POF1B: variants seen among roughly 807,000 people sequenced by gnomAD.
POF1B encodes POF1B actin binding protein.
A neutral mutation model predicts 55.3 loss-of-function variants in POF1B; 53 were observed. The observed-to-expected ratio is 0.96, with a 90% confidence interval of 0.77 to 1.20. The LOEUF (loss-of-function observed/expected upper bound fraction) is 1.20. POF1B is among the 50% of genes most tolerant of loss of function. The pLI is 0.00. For synonymous variants in POF1B, 188 were observed against 148.3 expected, an observed-to-expected ratio of 1.27 and a Z score of -1.95; for missense variants, 478 against 420.5, an observed-to-expected ratio of 1.14 and a Z score of -1.20.
intron 7 of POF1B, among the ~76,000 whole-genome samples, chrX:85,328,216 ATTTT>A (rs1176716066): frequency 1.4e-4 from 14 of 97,669 alleles, no homozygotes; most frequent in African/African-American, 4.9e-4. Flanking sequence ...TTATTTATTT[ATTTT>A]TTGAGATGGA....
intron 2 of POF1B, among the ~76,000 whole-genome samples, chrX:85,375,089 CAGAG>C (rs1226085746): frequency 9.0e-6 from 1 of 111,318 alleles, no homozygotes; most frequent in Non-Finnish European, 1.9e-5. Flanking sequence ...AACTAGGAGA[CAGAG>C]AGAAAATAAA....
intron 7 of POF1B, among the ~76,000 whole-genome samples, chrX:85,320,837 T>C (rs1255243143): frequency 9.1e-6 from 1 of 110,484 alleles, no homozygotes; most frequent in Non-Finnish European, 1.9e-5. Flanking sequence ...AACTAGAAAA[T>C]CTAGAAGAAA....
At chrX:85,321,212 A>T (rs1160169110) in intron 7 of POF1B, among the ~76,000 whole-genome samples, 1 of 111,585 alleles carries the variant, frequency 9.0e-6, no homozygotes, top group Non-Finnish European at 1.9e-5. Context: ...TGGCAAACCG[A>T]ATCCAGCAGC....
At chrX:85,320,144 ACCTTGTGTGC>A (rs752707283) in intron 7 of POF1B, among the ~76,000 whole-genome samples, 61 of 111,055 alleles carry the variant, frequency 5.5e-4, no homozygotes, top group African/African-American at 1.9e-3. Flanking sequence ...TAGGTTTTCT[ACCTTGTGTGC>A]ATAAGGGTGT....
At chrX:85,361,954 TCG>T (rs761173983) in intron 3 of POF1B, among the ~76,000 whole-genome samples, 1 of 97,284 alleles carries the variant, frequency 1.0e-5, no homozygotes, top group Non-Finnish European at 2.0e-5. Flanking sequence ...CCTAGGTATT[TCG>T]TGTGTGTGTG....
intron 2 of POF1B, among the ~76,000 whole-genome samples, chrX:85,378,693 C>T (rs976756511): frequency 3.6e-5 from 4 of 112,094 alleles, no homozygotes; most frequent in Non-Finnish European, 7.5e-5. Context: ...CTGCACCTCT[C>T]ACTTATCCTG....
chrX:85,373,031 G>A (rs1324624404), intron 2 of POF1B, among the ~76,000 whole-genome samples: 1 of 109,976 alleles, frequency 9.1e-6, no homozygotes, highest in Non-Finnish European at 1.9e-5. Context: ...GATTATTTCT[G>A]AGCAAGACCT....
intron 5 of POF1B, among the ~76,000 whole-genome samples, chrX:85,348,276 T>C (rs1163199798): frequency 9.0e-6 from 1 of 111,276 alleles, no homozygotes. Context: ...AAAATGTTCA[T>C]ATATTCATCA....
At chrX:85,330,288 A>C (rs1932953900) in intron 7 of POF1B, among the ~76,000 whole-genome samples, 1 of 110,477 alleles carries the variant, frequency 9.1e-6, no homozygotes, top group South Asian at 3.7e-4. Flanking sequence ...GTTTATGTTT[A>C]TATCTATTGG....
intron 15 of POF1B, among the ~76,000 whole-genome samples, chrX:85,301,274 G>T (rs1046538625): frequency 3.6e-5 from 4 of 111,533 alleles, no homozygotes; most frequent in Non-Finnish European, 7.5e-5. Context: ...ATGTCAGGGG[G>T]ATCCTCAATT....
chrX:85,337,045 A>G (rs1010661974), intron 6 of POF1B, among the ~76,000 whole-genome samples: 2 of 111,760 alleles, frequency 1.8e-5, no homozygotes, highest in African/African-American at 6.5e-5. Flanking sequence ...CAGTTTGTGG[A>G]AGAGACTGTC....
intron 3 of POF1B, among the ~76,000 whole-genome samples, chrX:85,366,273 T>C (rs1933720744): frequency 1.8e-5 from 2 of 110,990 alleles, no homozygotes; most frequent in Non-Finnish European, 3.8e-5. Context: ...ATAATGATCT[T>C]GAATAATACA....
At chrX:85,362,186 C>T (rs1933637337) in intron 3 of POF1B, among the ~76,000 whole-genome samples, 1 of 111,021 alleles carries the variant, frequency 9.0e-6, no homozygotes, top group South Asian at 3.8e-4. Context: ...ATGTCAACTG[C>T]AAACAGGGAT....
intron 6 of POF1B, among the ~76,000 whole-genome samples, chrX:85,335,526 A>C (rs1043201044): frequency 2.0e-5 from 2 of 97,737 alleles, no homozygotes; most frequent in Non-Finnish European, 4.0e-5. Flanking sequence ...TGAGGTAAAA[A>C]TAAATAATTG....
chrX:85,304,470 G>C lies in POF1B; in HGVS notation c.1439C>G (p.Ser480Cys), dbSNP rs777055260. The C allele has an allele frequency of 3.7e-6, 4 of 1,077,856 alleles. No homozygotes were observed. The highest frequency in any genetic ancestry group is 3.7e-6 in the Non-Finnish European group (3 of 814,826). The allele number at this position is 1,077,856 out of a possible 1,213,427, so 88.8% of individuals were successfully genotyped here. Reference sequence around the variant, plus strand: ...ATCTTTATGGTACTGGTTTAATTGGGACTAAGGATTTAAAAAGAAATAAAT... The same window carrying C: ...ATCTTTATGGTACTGGTTTAATTGGCACTAAGGATTTAAAAAGAAATAAAT... The part of the protein sequence containing the change: ...EKDREICRLR[S>C]QLNQYHKDVS... Residue 480 changes from serine to cysteine, a missense_variant and splice_region_variant, in exon 14 of 17, where the codon TCC (serine) becomes TGC (cysteine). By Grantham distance (112) the Ser-to-Cys change is moderately radical. Transcript: ENST00000262753.
chrX:85,372,857 A>T (rs1489702242), intron 2 of POF1B, among the ~76,000 whole-genome samples: 1 of 107,110 alleles, frequency 9.3e-6, no homozygotes, highest in Non-Finnish European at 1.9e-5. Context: ...GTTAAATCAG[A>T]TGATGTGCAA....
chrX:85,365,920 G>C (rs902148867), intron 3 of POF1B, among the ~76,000 whole-genome samples: 18 of 110,847 alleles, frequency 1.6e-4, no homozygotes, highest in Non-Finnish European at 2.6e-4. Context: ...CCTAAGTCGG[G>C]GGTTCCCTGC....
At chrX:85,299,653 C>T (rs113489867) in intron 15 of POF1B, among the ~76,000 whole-genome samples, 2,094 of 101,169 alleles carry the variant, frequency 0.021, 85 homozygotes, top group African/African-American at 0.075. Flanking sequence ...TACAGGTGCC[C>T]GCCACCACGC....
At position 85,379,304 on chromosome X, in the gene POF1B, G is replaced by A. The variant is rs1002789268; in HGVS notation, c.151C>T (p.Arg51Ter). ...QPPEKNVVYE[R>*]VRTYSGPMNK... ...ATGGGCCCACTGTAGGTCCTCACTC[G>A]CTCATACACTACATTTTTTTCTGGA... The change falls in exon 2 of 17, where the codon CGA (arginine) becomes TGA (stop). Residue 51 changes from arginine to a stop codon, truncating the protein, a stop_gained. Transcript: ENST00000262753. LOFTEE classifies it high-confidence loss of function. The A allele has an allele frequency of 3.3e-6, 4 of 1,210,336 alleles. No individual in the cohort carries two copies. The highest frequency in any genetic ancestry group is 4.5e-6 in the Non-Finnish European group (4 of 895,201).
Sources: allele counts gnomAD v4.1 joint callset (sites outside exome capture counted in the v4.1 genomes callset), GRCh38; gene constraint gnomAD v4.1.1; transcripts MANE v1.5; gene names NCBI Gene and HGNC (gene_info 2026-07-23, HGNC 2026-07-21).